Variants in RNF180 observed in about 807,000 individuals in gnomAD.
The protein encoded by RNF180 is ring finger protein 180, also known as E3 ubiquitin-protein ligase RNF180.
A neutral mutation model predicts 59.2 loss-of-function variants in RNF180; 38 were observed. That is an observed-to-expected ratio of 0.64 (90% CI 0.50 to 0.84). RNF180 has a LOEUF of 0.84. Ranked by LOEUF, RNF180 falls within the 40% of genes least tolerant of loss-of-function variation. RNF180 has a pLI of 0.00. For synonymous variants in RNF180, 262 were observed against 240.3 expected (o/e 1.09, Z -0.84); for missense variants, 705 against 700.9 (o/e 1.01, Z -0.07).
At chr5:64,289,834 C>T (rs1040458367) in intron 5 of RNF180, among the ~76,000 whole-genome samples, 1 of 152,022 alleles carries the variant, frequency 6.6e-6, no homozygotes, top group Admixed American at 6.6e-5. Flanking sequence ...TCTCAAAAAA[C>T]CATCTCTTGG....
chr5:64,322,185 G>A (rs1744386339), intron 5 of RNF180, among the ~76,000 whole-genome samples: 2 of 152,130 alleles, frequency 1.3e-5, no homozygotes, highest in South Asian at 4.1e-4. Context: ...ACAAGCTTCT[G>A]CATAGCAAAA....
chr5:64,271,255 G>A (rs1741378825), intron 5 of RNF180, among the ~76,000 whole-genome samples: 1 of 151,908 alleles, frequency 6.6e-6, no homozygotes, highest in Non-Finnish European at 1.5e-5. Flanking sequence ...GTATTTTCTG[G>A]CATTTTAATT....
chr5:64,347,504 C>A (rs1281637281), intron 7 of RNF180, among the ~76,000 whole-genome samples: 2 of 151,996 alleles, frequency 1.3e-5, no homozygotes, highest in Non-Finnish European at 2.9e-5. Context: ...AGTGTCAGAC[C>A]TTTTTTGCCA....
intron 5 of RNF180, among the ~76,000 whole-genome samples, chr5:64,255,167 G>T (rs909514783): frequency 2.0e-5 from 3 of 151,692 alleles, no homozygotes; most frequent in African/African-American, 7.3e-5. Context: ...CACAATTCTT[G>T]GTATATTTTA....
At chr5:64,175,036 C>T (rs1166483232) in intron 1 of RNF180, among the ~76,000 whole-genome samples, 8 of 137,024 alleles carry the variant, frequency 5.8e-5, no homozygotes, top group Middle Eastern at 4.3e-3. Flanking sequence ...GGTGCAATCT[C>T]GGCTCACTGC....
intron 1 of RNF180, among the ~76,000 whole-genome samples, chr5:64,176,350 A>G (rs1219798751): frequency 1.3e-5 from 2 of 151,742 alleles, no homozygotes; most frequent in African/African-American, 4.8e-5. Context: ...TGAGTCTCCT[A>G]TCTTCTTTTT....
chr5:64,256,155 G>C (rs1159220487), intron 5 of RNF180, among the ~76,000 whole-genome samples: 1 of 151,878 alleles, frequency 6.6e-6, no homozygotes, highest in African/African-American at 2.4e-5. Flanking sequence ...TAGGTTGCCT[G>C]TTCACTCTGA....
At chr5:64,211,294 A>G (rs1256929123) in intron 2 of RNF180, among the ~76,000 whole-genome samples, 1 of 152,170 alleles carries the variant, frequency 6.6e-6, no homozygotes, top group Non-Finnish European at 1.5e-5. Flanking sequence ...TTGGGGCAAT[A>G]GGCAGCAAAC....
intron 1 of RNF180, among the ~76,000 whole-genome samples, chr5:64,194,806 A>C (rs1442029153): frequency 6.6e-6 from 1 of 152,216 alleles, no homozygotes; most frequent in Non-Finnish European, 1.5e-5. Flanking sequence ...TCTTCTTTTG[A>C]GAAGTGTCTG....
chr5:64,238,388 A>G (rs539808792), intron 5 of RNF180, among the ~76,000 whole-genome samples: 1 of 152,206 alleles, frequency 6.6e-6, no homozygotes, highest in East Asian at 1.9e-4. Flanking sequence ...TGGCAGTTCT[A>G]TTTTTATTAT....
At chr5:64,350,619 C>T (rs2112582164) in intron 7 of RNF180, among the ~76,000 whole-genome samples, 1 of 152,234 alleles carries the variant, frequency 6.6e-6, no homozygotes, top group East Asian at 1.9e-4. Flanking sequence ...TTTCAGCTTT[C>T]TACATATGGC....
intron 5 of RNF180, among the ~76,000 whole-genome samples, chr5:64,240,965 T>C (rs1374029): frequency 1 from 152,211 of 152,318 alleles, 76,052 homozygotes; most frequent in African/African-American, 1. Flanking sequence ...GGACTATAAA[T>C]CTCACAAGAA....
In RNF180 at chr5:64,369,598, GT is replaced by G; in HGVS notation, c.1580-15del. 6.8e-7 allele frequency: 1 copy of G among 1,474,808 alleles called. No homozygotes were observed. Among genetic ancestry groups the G allele is most frequent in the South Asian group, 1.4e-5 (1 of 69,782 alleles). 91.4% of individuals were successfully genotyped at this position (1,474,808 alleles called of 1,614,324 possible). On this transcript the variant is annotated splice_polypyrimidine_tract_variant and intron_variant, in intron 7 of 7. Transcript: ENST00000389100. ...GCTTGAATTTAATGGGCTTTAATAT[GT>G]TCATACATCTTCTAGGTTTCCGCAG...
chr5:64,287,035 C>G (rs1742324693), intron 5 of RNF180, among the ~76,000 whole-genome samples: 1 of 152,184 alleles, frequency 6.6e-6, no homozygotes, highest in Non-Finnish European at 1.5e-5. Context: ...GGTGTGATCT[C>G]AGCTCACTGC....
At chr5:64,254,725 G>T (rs1189414316) in intron 5 of RNF180, among the ~76,000 whole-genome samples, 2 of 152,078 alleles carry the variant, frequency 1.3e-5, no homozygotes, top group Non-Finnish European at 2.9e-5. Flanking sequence ...AGTAGGCGAA[G>T]CTTATTCTAT....
chr5:64,349,526 A>G (rs1561275467), intron 7 of RNF180, among the ~76,000 whole-genome samples: 1 of 151,246 alleles, frequency 6.6e-6, no homozygotes, highest in Non-Finnish European at 1.5e-5. Context: ...GGTGTGCTGC[A>G]CCCATTAACT....
rs143873296 is a variant in RNF180, at chr5:64,343,237, GAAAA to G, written c.1579+12833_1579+12836del. Among the ~76,000 whole-genome samples, 765 of 151,922 alleles carry G rather than the reference GAAAA, an allele frequency of 5.0e-3. 5 individuals are homozygous for G. Among genetic ancestry groups the G allele is most frequent in the African/African-American group, 0.015 (615 of 41,444 alleles). ...GGAAAAAAGTGTTAATGAAAATAGA[GAAAA>G]AGAATAGATAAAAAGGTAAAAAACT... On this transcript the variant is annotated intron_variant, in intron 7 of 7. Coordinates refer to ENST00000389100, the MANE Select transcript of RNF180 (RefSeq NM_001113561.2).
At chr5:64,264,278 T>C (rs1392898708) in intron 5 of RNF180, among the ~76,000 whole-genome samples, 2 of 152,294 alleles carry the variant, frequency 1.3e-5, no homozygotes, top group East Asian at 3.9e-4. Context: ...GTTTGTTACA[T>C]AGGTATACAT....
chr5:64,325,561 A>G (rs567383086), intron 6 of RNF180, 150 bp downstream of exon 6: 2 of 638,852 alleles, frequency 3.1e-6, no homozygotes, highest in Non-Finnish European at 5.5e-6. Context: ...CCAACTCATA[A>G]AACTGTTAGA....
Sources: allele counts gnomAD v4.1 joint callset (sites outside exome capture counted in the v4.1 genomes callset), GRCh38; gene constraint gnomAD v4.1.1; transcripts MANE v1.5; gene names NCBI Gene and HGNC (gene_info 2026-07-23, HGNC 2026-07-21).